Variants in KIAA1328 observed in about 807,000 individuals in gnomAD.
KIAA1328 encodes protein hinderin.
KIAA1328 carries 52 observed loss-of-function variants against 68.1 expected under a neutral mutation model. The ratio of observed to expected loss-of-function variants is 0.76; its 90% CI spans 0.61 to 0.96. The LOEUF is 0.96. Ranked by LOEUF, KIAA1328 falls within the 40% of genes least tolerant of loss-of-function variation. The pLI, the probability that KIAA1328 is intolerant of heterozygous loss-of-function variation, is 0.00. For missense variants in KIAA1328, 641 were observed against 677.6 expected, an observed-to-expected ratio of 0.95 and a Z score of 0.60; for synonymous variants, 232 against 239.4, an observed-to-expected ratio of 0.97 and a Z score of 0.28.
At chr18:36,913,328 G>A (rs963669799) in intron 5 of KIAA1328, among the ~76,000 whole-genome samples, 11 of 149,746 alleles carry the variant, frequency 7.3e-5, no homozygotes, top group Admixed American at 4.0e-4. Context: ...AGACCAGCTT[G>A]AGCAACATAG....
intron 7 of KIAA1328, among the ~76,000 whole-genome samples, chr18:37,116,055 AAATC>A (rs1489816958): frequency 2.0e-5 from 3 of 152,200 alleles, no homozygotes; most frequent in African/African-American, 7.2e-5. Context: ...TGGGCAGGAA[AAATC>A]AATATCATGA....
chr18:37,095,266 A>G (rs929515057), intron 7 of KIAA1328, among the ~76,000 whole-genome samples: 1 of 152,212 alleles, frequency 6.6e-6, no homozygotes, highest in Non-Finnish European at 1.5e-5. Flanking sequence ...TTATCCAACA[A>G]CTACAGAATA....
At chr18:36,944,923 A>G (rs2050845751) in intron 5 of KIAA1328, among the ~76,000 whole-genome samples, 1 of 152,206 alleles carries the variant, frequency 6.6e-6, no homozygotes. Flanking sequence ...GAGGAAACAG[A>G]GACTGTGAAT....
intron 7 of KIAA1328, among the ~76,000 whole-genome samples, chr18:37,078,458 C>T (rs2056828932): frequency 6.6e-6 from 1 of 151,574 alleles, no homozygotes; most frequent in Non-Finnish European, 1.5e-5. Context: ...GCAATGGCAA[C>T]AAAAGCCAAA....
chr18:37,067,775 G>A (rs1186868972), intron 7 of KIAA1328, among the ~76,000 whole-genome samples: 4 of 151,986 alleles, frequency 2.6e-5, no homozygotes, highest in Non-Finnish European at 5.9e-5. Context: ...GGCCAGGCTG[G>A]TCTTGAACTC....
chr18:37,002,435 G>A (rs2053625303), intron 6 of KIAA1328, among the ~76,000 whole-genome samples: 2 of 151,278 alleles, frequency 1.3e-5, no homozygotes, highest in Admixed American at 1.3e-4. Flanking sequence ...GCTCAGGCTG[G>A]TCTCGAACTC....
chr18:36,897,059 C>A (rs2048889140), intron 5 of KIAA1328, among the ~76,000 whole-genome samples: 1 of 151,974 alleles, frequency 6.6e-6, no homozygotes. Flanking sequence ...CATTTCAAAA[C>A]TAATTTTTCA....
At chr18:37,117,919 A>G (rs1384503148) in intron 7 of KIAA1328, among the ~76,000 whole-genome samples, 1 of 151,242 alleles carries the variant, frequency 6.6e-6, no homozygotes, top group African/African-American at 2.4e-5. Flanking sequence ...TATTCATAAC[A>G]AAGAATAAAG....
chr18:36,999,765 G>T (rs2151445317), intron 6 of KIAA1328, among the ~76,000 whole-genome samples: 1 of 152,042 alleles, frequency 6.6e-6, no homozygotes, highest in East Asian at 1.9e-4. Context: ...ATGCTCAAGG[G>T]AGTCATAAAC....
intron 7 of KIAA1328, among the ~76,000 whole-genome samples, chr18:37,149,014 A>G (rs1332532272): frequency 6.6e-6 from 1 of 152,206 alleles, no homozygotes; most frequent in African/African-American, 2.4e-5. Context: ...AAAGTAATTT[A>G]TAGATTCAGT....
At chr18:37,103,757 A>G (rs1435281259) in intron 7 of KIAA1328, among the ~76,000 whole-genome samples, 1 of 152,056 alleles carries the variant, frequency 6.6e-6, no homozygotes, top group Non-Finnish European at 1.5e-5. Flanking sequence ...TATTCATCAG[A>G]CAAGGACTAA....
chr18:37,123,212 A>G (rs2058314187), intron 7 of KIAA1328, among the ~76,000 whole-genome samples: 1 of 152,122 alleles, frequency 6.6e-6, no homozygotes, highest in Non-Finnish European at 1.5e-5. Flanking sequence ...GAGAAGAAAA[A>G]CTGAATGTCT....
intron 6 of KIAA1328, among the ~76,000 whole-genome samples, chr18:37,022,451 T>C (rs1257494570): frequency 6.6e-6 from 1 of 152,182 alleles, no homozygotes; most frequent in South Asian, 2.1e-4. Flanking sequence ...AATTATAGTT[T>C]TAGGAGACCT....
At chr18:36,926,504 T>C (rs2050125580) in intron 5 of KIAA1328, among the ~76,000 whole-genome samples, 1 of 152,184 alleles carries the variant, frequency 6.6e-6, no homozygotes. Context: ...CTGGTGATAC[T>C]AACTTTGATC....
intron 5 of KIAA1328, among the ~76,000 whole-genome samples, chr18:36,956,533 A>G (rs2051423521): frequency 7.1e-6 from 1 of 141,010 alleles, no homozygotes; most frequent in Non-Finnish European, 1.5e-5. Context: ...TGTGCTAAGG[A>G]GGAAGGAAGT....
chr18:37,064,649 G>A (rs2056282064), intron 6 of KIAA1328, among the ~76,000 whole-genome samples: 1 of 151,818 alleles, frequency 6.6e-6, no homozygotes, highest in Non-Finnish European at 1.5e-5. Context: ...TCGAGAGGGG[G>A]AAATTAACTG....
intron 7 of KIAA1328, among the ~76,000 whole-genome samples, chr18:37,070,787 A>C (rs1248687486): frequency 6.6e-6 from 1 of 152,038 alleles, no homozygotes; most frequent in Non-Finnish European, 1.5e-5. Context: ...CATGTTGGCC[A>C]GGCTGGTCTC....
rs181006086 is a variant in KIAA1328, at chr18:37,169,133, G to A, written c.1415-3840G>A. Among the ~76,000 whole-genome samples, 345 of 145,180 alleles carry A rather than the reference G, an allele frequency of 2.4e-3. 2 individuals are homozygous for A. Among genetic ancestry groups the A allele is most frequent in the African/African-American group, 8.6e-3 (336 of 38,882 alleles). On this transcript the variant is annotated intron_variant, in intron 8 of 9. Coordinates refer to ENST00000280020, the MANE Select transcript of KIAA1328 (RefSeq NM_020776.3). ...AATTAGCCTAGTAATATTCTTAACAGCATTTTATTTATTTATTTATTTATT... is the reference window on the plus strand; with the variant it reads ...AATTAGCCTAGTAATATTCTTAACAACATTTTATTTATTTATTTATTTATT...
At chr18:37,207,317 T>C (rs956052048) in intron 9 of KIAA1328, among the ~76,000 whole-genome samples, 6 of 152,212 alleles carry the variant, frequency 3.9e-5, no homozygotes, top group African/African-American at 1.4e-4. Flanking sequence ...TATTGCAGCT[T>C]ATGACCACCC....
Sources: gnomAD v4.1 joint callset for allele counts (sites outside exome capture counted in the v4.1 genomes callset) on GRCh38, gnomAD v4.1.1 for gene constraint, MANE v1.5 for transcripts, NCBI Gene and HGNC (gene_info 2026-07-23, HGNC 2026-07-21) for gene names.